The following RNF149 variants were observed in gnomAD, a reference collection of about 807,000 sequenced individuals.
RNF149 encodes E3 ubiquitin-protein ligase RNF149.
RNF149 carries 21 observed loss-of-function variants against 39.0 expected under a neutral mutation model. The ratio of observed to expected loss-of-function variants is 0.54; its 90% CI spans 0.38 to 0.77. The LOEUF (loss-of-function observed/expected upper bound fraction) is 0.77, where lower values mean the gene tolerates loss of function less well. Ranked by LOEUF, RNF149 falls within the 30% of genes least tolerant of loss-of-function variation. RNF149 has a pLI of 0.00. For missense variants in RNF149, 493 were observed against 534.9 expected (o/e 0.92, Z 0.77); for synonymous variants, 209 against 213.6 (o/e 0.98, Z 0.19).
intron 1 of RNF149, among the ~76,000 whole-genome samples, chr2:101,299,309 C>T (rs1341836693): frequency 6.6e-6 from 1 of 152,150 alleles, no homozygotes; most frequent in Non-Finnish European, 1.5e-5. Flanking sequence ...GTTACTGAAA[C>T]ACCAGAAGGG....
intron 3 of RNF149, 138 bp from the exon 4 acceptor site, chr2:101,289,193 T>C (rs1279409012): frequency 6.7e-6 from 4 of 593,274 alleles, no homozygotes; most frequent in African/African-American, 3.8e-5. Flanking sequence ...CACAAATAAC[T>C]GTACTTGGTG....
At chr2:101,305,552 C>T (rs1224728001) in intron 1 of RNF149, among the ~76,000 whole-genome samples, 2 of 152,178 alleles carry the variant, frequency 1.3e-5, no homozygotes, top group Non-Finnish European at 2.9e-5. Context: ...GGCCTCTCCC[C>T]TACTCTCTAA....
In RNF149 at chr2:101,308,677, C is replaced by A. The variant is rs947246558; in HGVS notation, c.-89G>T. The A allele has an allele frequency of 5.5e-5, 68 of 1,235,704 alleles. No individual in the cohort carries two copies. The highest frequency in any genetic ancestry group is 9.9e-5 in the Admixed American group (3 of 30,418). 76.5% of individuals were successfully genotyped at this position (1,235,704 alleles called of 1,614,324 possible). A position where few individuals can be genotyped will look rare whatever the true frequency, so the allele number is the denominator to read the frequency against. Reference sequence around the variant, plus strand: ...GCAGAGAGAAGCGGACACCCACCGCCGCCCTGGAAGACTGAGGCGGGGTCG... The same window carrying A: ...GCAGAGAGAAGCGGACACCCACCGCAGCCCTGGAAGACTGAGGCGGGGTCG... On this transcript the variant is annotated 5_prime_UTR_variant, in exon 1 of 7. Coordinates refer to ENST00000295317, the MANE Select transcript of RNF149 (RefSeq NM_173647.4).
chr2:101,284,630 G>T (rs2104396260), intron 5 of RNF149, among the ~76,000 whole-genome samples: 1 of 152,214 alleles, frequency 6.6e-6, no homozygotes, highest in Middle Eastern at 3.4e-3. Flanking sequence ...AGTTGTTAAG[G>T]AAGTGGTCTC....
chr2:101,292,638 C>T (rs181004421), intron 3 of RNF149, among the ~76,000 whole-genome samples: 1 of 152,058 alleles, frequency 6.6e-6, no homozygotes, highest in Admixed American at 6.6e-5. Flanking sequence ...TGGTGGCAGG[C>T]GCCTGTAGTT....
intron 3 of RNF149, among the ~76,000 whole-genome samples, chr2:101,289,427 C>T (rs1682920702): frequency 6.6e-6 from 1 of 152,026 alleles, no homozygotes. Flanking sequence ...AGGGTTTCGG[C>T]CAGGTGCAGT....
In RNF149 at chr2:101,281,856, C is replaced by T. The variant is rs141231948; in HGVS notation, c.1159+3G>A. On this transcript the variant is annotated splice_donor_region_variant and intron_variant, in intron 6 of 6. Coordinates refer to ENST00000295317, the MANE Select transcript of RNF149 (RefSeq NM_173647.4). Reference sequence around the variant, plus strand: ...ATTGTTTTATAATTTGCACACCGCTCACCTAGCAATGCCGTATTTTCTCCT... The same window carrying T: ...ATTGTTTTATAATTTGCACACCGCTTACCTAGCAATGCCGTATTTTCTCCT... 4.3e-6 allele frequency: 7 copies of T among 1,613,482 alleles called. No individual in the cohort carries two copies. The East Asian group carries it at 8.9e-5, about 21-fold the overall frequency.
chr2:101,303,712 T>G, intron 1 of RNF149, among the ~76,000 whole-genome samples: 1 of 152,130 alleles, frequency 6.6e-6, no homozygotes, highest in East Asian at 1.9e-4. Context: ...ATACCTCTTA[T>G]CAATAGGAGG....
intron 1 of RNF149, among the ~76,000 whole-genome samples, chr2:101,306,726 TCTTGA>T (rs1177871146): frequency 6.6e-5 from 10 of 152,218 alleles, no homozygotes; most frequent in African/African-American, 2.4e-4. Flanking sequence ...TCTTCAATCT[TCTTGA>T]AAGAGTTGTC....
chr2:101,275,274 C>A (rs189471783), downstream of RNF149, among the ~76,000 whole-genome samples: 1,755 of 150,864 alleles, frequency 0.012, 14 homozygotes, highest in Non-Finnish European at 0.019. Flanking sequence ...CATGCCACCA[C>A]GTCCGGCTAA....
intron 1 of RNF149, among the ~76,000 whole-genome samples, chr2:101,301,304 C>A (rs1451688805): frequency 1.3e-5 from 2 of 151,834 alleles, no homozygotes; most frequent in East Asian, 1.9e-4. Context: ...AATCTACTTG[C>A]TGAACAATAC....
At chr2:101,283,657 G>A (rs1238597319) in intron 5 of RNF149, among the ~76,000 whole-genome samples, 1 of 152,110 alleles carries the variant, frequency 6.6e-6, no homozygotes. Flanking sequence ...GTTACTATAG[G>A]TTCTGTTCTT....
At chr2:101,284,272 C>A (rs563241940) in intron 5 of RNF149, among the ~76,000 whole-genome samples, 1 of 152,248 alleles carries the variant, frequency 6.6e-6, no homozygotes, top group East Asian at 1.9e-4. Flanking sequence ...CGTTCTGGAA[C>A]TCACATTTAA....
Position 101,276,020 on chromosome 2 carries a change from G to A in RNF149, c.*1218C>T, listed in dbSNP as rs915922994. Reference sequence around the variant, plus strand: ...CTAGAATTAAAGCATTAAGTAGCTTGAGAAAATAATCTATATAAATCTTTA... The same window carrying A: ...CTAGAATTAAAGCATTAAGTAGCTTAAGAAAATAATCTATATAAATCTTTA... On this transcript the variant is annotated 3_prime_UTR_variant, in exon 7 of 7. Transcript: ENST00000295317. 1.1e-6 allele frequency: 1 copy of A among 893,452 alleles called. No individual in the cohort carries two copies. The highest frequency in any genetic ancestry group is 1.3e-6 in the Non-Finnish European group (1 of 746,586). 55.3% of individuals were successfully genotyped at this position (893,452 alleles called of 1,614,324 possible).
chr2:101,289,524 G>A (rs1022164562), intron 3 of RNF149, among the ~76,000 whole-genome samples: 13 of 151,962 alleles, frequency 8.6e-5, no homozygotes, highest in African/African-American at 3.1e-4. Context: ...GGCCAACATG[G>A]TGAAACCTCA....
Position 101,295,015 on chromosome 2 carries a change from G to A in RNF149, c.627C>T (p.Ile209=), listed in dbSNP as rs1266737703. ...AGGCTAACGAGATAATCATCATGGT[G>A]ATGAAGGCAATGGCCACAAACACCA... ...QSVVFVAIAF[I]TMMIISLAWL... The change falls in exon 2 of 7, where the codon ATC becomes ATT. Residue 209 remains isoleucine, a synonymous_variant. Coordinates refer to ENST00000295317, the MANE Select transcript of RNF149 (RefSeq NM_173647.4). 6.2e-7 allele frequency: 1 copy of A among 1,614,034 alleles called. No individual in the cohort carries two copies. The highest frequency in any genetic ancestry group is 8.5e-7 in the Non-Finnish European group (1 of 1,179,952).
intron 6 of RNF149, among the ~76,000 whole-genome samples, chr2:101,277,962 G>A (rs1167228175): frequency 6.6e-6 from 1 of 152,104 alleles, no homozygotes; most frequent in African/African-American, 2.4e-5. Context: ...AAGAGGTAGA[G>A]ATTAACATGT....
chr2:101,280,123 C>T lies in RNF149; in HGVS notation c.1159+1736G>A, dbSNP rs532345320. On this transcript the variant is annotated intron_variant, in intron 6 of 6. Coordinates refer to ENST00000295317, the MANE Select transcript of RNF149 (RefSeq NM_173647.4). ...CCCAGGAGGCAGAGGCTGCAGTGAG[C>T]TGAGATCGTGTCACTGCACTCCAGA... Among the ~76,000 whole-genome samples the T allele has an allele frequency of 7.9e-4, 120 of 151,860 alleles. 3 individuals are homozygous for T. In the South Asian group the frequency reaches 0.024, roughly 31 times the overall value.
chr2:101,274,936 AC>A (rs1217789332), downstream of RNF149, among the ~76,000 whole-genome samples: 1 of 147,454 alleles, frequency 6.8e-6, no homozygotes, highest in African/African-American at 2.5e-5. Context: ...ACAGGTGCCC[AC>A]CACCATGCCT....
Sources: allele counts gnomAD v4.1 joint callset (sites outside exome capture counted in the v4.1 genomes callset), GRCh38; gene constraint gnomAD v4.1.1; transcripts MANE v1.5; gene names NCBI Gene and HGNC (gene_info 2026-07-23, HGNC 2026-07-21).